Variants in SLC4A4 observed in about 807,000 individuals in gnomAD.
SLC4A4 encodes the protein solute carrier family 4 member 4.
Under a neutral mutation model 111.5 loss-of-function variants are expected in SLC4A4, and 27 were observed. That is an observed-to-expected ratio of 0.24 (90% CI 0.18 to 0.33). SLC4A4 has a LOEUF of 0.33. SLC4A4 is among the 10% of genes least tolerant of loss of function. SLC4A4 has a pLI of 1.00. For missense variants in SLC4A4, 909 were observed against 1,315.5 expected (o/e 0.69, Z 4.78); for synonymous variants, 443 against 463.4 (o/e 0.96, Z 0.57).
chr4:71,069,797 A>C (rs1741619621), intron 1 of SLC4A4, among the ~76,000 whole-genome samples: 2 of 152,138 alleles, frequency 1.3e-5, no homozygotes, highest in African/African-American at 4.8e-5. Flanking sequence ...ATAATTGTTA[A>C]CCTCCCTAAG....
At chr4:71,250,861 A>C (rs1459893280) in intron 2 of SLC4A4, among the ~76,000 whole-genome samples, 2 of 152,208 alleles carry the variant, frequency 1.3e-5, no homozygotes, top group Non-Finnish European at 2.9e-5. Flanking sequence ...GGTTTTATGA[A>C]GAGAACACTT....
intron 7 of SLC4A4, among the ~76,000 whole-genome samples, chr4:71,405,623 C>T (rs1484661849): frequency 1.3e-5 from 2 of 152,010 alleles, no homozygotes; most frequent in East Asian, 1.9e-4. Context: ...CCGTGTATTG[C>T]GAATTTAATT....
chr4:71,206,404 A>G (rs1717768091), intron 1 of SLC4A4, among the ~76,000 whole-genome samples: 1 of 152,198 alleles, frequency 6.6e-6, no homozygotes, highest in Non-Finnish European at 1.5e-5. Context: ...CACAGTTTTC[A>G]ACAGATTTCC....
chr4:71,362,883 G>A (rs1730921413), intron 6 of SLC4A4, among the ~76,000 whole-genome samples: 2 of 152,056 alleles, frequency 1.3e-5, no homozygotes, highest in African/African-American at 4.8e-5. Flanking sequence ...CCTGGTGCCC[G>A]TGGTCTCCTC....
intron 18 of SLC4A4, among the ~76,000 whole-genome samples, chr4:71,543,923 G>T (rs1373306729): frequency 6.6e-6 from 1 of 151,968 alleles, no homozygotes; most frequent in East Asian, 1.9e-4. Flanking sequence ...CTAAACAAGA[G>T]TTTATAATTG....
intron 6 of SLC4A4, among the ~76,000 whole-genome samples, chr4:71,396,789 T>C (rs777936164): frequency 1.3e-5 from 2 of 152,208 alleles, no homozygotes; most frequent in Non-Finnish European, 2.9e-5. Context: ...CTGAAATCAT[T>C]GGATGGATCA....
chr4:71,486,844 A>T, intron 14 of SLC4A4, 104 bp from the exon 15 acceptor site: 1 of 648,156 alleles, frequency 1.5e-6, no homozygotes, highest in Non-Finnish European at 2.7e-6. Context: ...GTTATTAAAG[A>T]CATTTTTACT....
intron 2 of SLC4A4, among the ~76,000 whole-genome samples, chr4:71,240,308 T>C (rs1392434461): frequency 6.6e-6 from 1 of 152,194 alleles, no homozygotes; most frequent in Admixed American, 6.6e-5. Flanking sequence ...GAGATAAGGC[T>C]TTGGCTCTGC....
chr4:71,228,514 G>A (rs1205027516), intron 1 of SLC4A4, among the ~76,000 whole-genome samples: 3 of 152,178 alleles, frequency 2.0e-5, no homozygotes, highest in African/African-American at 7.2e-5. Flanking sequence ...AACTTCTGAA[G>A]TGGTATAAGC....
chr4:71,492,523 CATTT>C (rs1730025498), intron 15 of SLC4A4, among the ~76,000 whole-genome samples: 1 of 151,950 alleles, frequency 6.6e-6, no homozygotes, highest in Non-Finnish European at 1.5e-5. Context: ...CCCCAGTACC[CATTT>C]ACCTAAACAA....
At chr4:71,090,439 C>G (rs373704105) in intron 1 of SLC4A4, among the ~76,000 whole-genome samples, 13 of 152,308 alleles carry the variant, frequency 8.5e-5, no homozygotes, top group African/African-American at 3.1e-4. Context: ...GTGAGATGAA[C>G]CTGGTACCTC....
At chr4:71,222,061 G>A (rs1030874796) in intron 1 of SLC4A4, among the ~76,000 whole-genome samples, 14 of 152,202 alleles carry the variant, frequency 9.2e-5, no homozygotes, top group African/African-American at 3.4e-4. Context: ...TAAGCTCGAG[G>A]AAGTATCACT....
chr4:71,102,091 T>C (rs1578480691), intron 2 of SLC4A4, among the ~76,000 whole-genome samples: 1 of 151,978 alleles, frequency 6.6e-6, no homozygotes, highest in East Asian at 1.9e-4. Flanking sequence ...CTGATGGAGC[T>C]GAAAACCAAG....
At chr4:71,100,093 A>G (rs943742178) in intron 2 of SLC4A4, among the ~76,000 whole-genome samples, 4 of 152,030 alleles carry the variant, frequency 2.6e-5, no homozygotes, top group African/African-American at 7.3e-5. Flanking sequence ...CTCCTCCCCA[A>G]CTCATTCTAT....
chr4:71,163,453 G>A (rs1207463121), intron 2 of SLC4A4, among the ~76,000 whole-genome samples: 1 of 152,158 alleles, frequency 6.6e-6, no homozygotes, highest in Non-Finnish European at 1.5e-5. Context: ...CTGCTGTGAT[G>A]TCACAGAGCA....
chr4:71,069,896 T>A (rs1201313522), intron 1 of SLC4A4, among the ~76,000 whole-genome samples: 2 of 152,174 alleles, frequency 1.3e-5, no homozygotes, highest in Non-Finnish European at 2.9e-5. Context: ...AGTTTTTTTT[T>A]AGAGTTGATA....
chr4:71,331,346 G>C (rs1204482775), intron 3 of SLC4A4, among the ~76,000 whole-genome samples: 1 of 152,172 alleles, frequency 6.6e-6, no homozygotes, highest in Non-Finnish European at 1.5e-5. Flanking sequence ...GTCCATGAAT[G>C]ATAGACTGGA....
intron 14 of SLC4A4, among the ~76,000 whole-genome samples, chr4:71,481,271 T>C (rs546269950): frequency 2.8e-4 from 42 of 151,816 alleles, no homozygotes; most frequent in African/African-American, 9.4e-4. Flanking sequence ...CAGACAGATA[T>C]GACCTTAGTG....
chr4:71,337,168 A>G (rs1728495644), intron 3 of SLC4A4, among the ~76,000 whole-genome samples: 1 of 152,226 alleles, frequency 6.6e-6, no homozygotes, highest in Admixed American at 6.5e-5. Flanking sequence ...CAAAGTTTGT[A>G]CTTTATGAAA....
Sources: allele counts gnomAD v4.1 joint callset (sites outside exome capture counted in the v4.1 genomes callset), GRCh38; gene constraint gnomAD v4.1.1; transcripts MANE v1.5; gene names NCBI Gene and HGNC (gene_info 2026-07-23, HGNC 2026-07-21).